Variants in ZFYVE1 observed in about 807,000 individuals in gnomAD.
ZFYVE1 encodes zinc finger FYVE domain-containing protein 1.
In ZFYVE1, 30 loss-of-function variants were observed where a neutral mutation model predicts 74.4. That is an observed-to-expected ratio of 0.40 (90% CI 0.30 to 0.55). ZFYVE1 has a LOEUF of 0.55. Ranked by LOEUF, ZFYVE1 falls within the 20% of genes least tolerant of loss-of-function variation. ZFYVE1 has a pLI of 0.42. For synonymous variants in ZFYVE1, 335 were observed against 385.1 expected (o/e 0.87, Z 1.52); for missense variants, 703 against 1,011.6 (o/e 0.69, Z 4.14).
intron 5 of ZFYVE1, among the ~76,000 whole-genome samples, chr14:72,981,435 G>A (rs963731511): frequency 2.0e-5 from 3 of 152,156 alleles, no homozygotes; most frequent in Non-Finnish European, 4.4e-5. Flanking sequence ...CTATGAATAA[G>A]TGACTGGAAA....
In ZFYVE1 at chr14:73,020,972, G is replaced by A. The variant is rs368675804; in HGVS notation, c.483+3054C>T. ...TGCTCTAGAACTCCTGACCTCAGGTGATCTACCTGCCTGGGCCTCCCAAAG... is the reference window on the plus strand; with the variant it reads ...TGCTCTAGAACTCCTGACCTCAGGTAATCTACCTGCCTGGGCCTCCCAAAG... On this transcript the variant is annotated intron_variant, in intron 2 of 11. Transcript: ENST00000556143. 1.1e-4 allele frequency among the ~76,000 whole-genome samples: 16 copies of A among 152,266 alleles called. No individual in the cohort carries two copies. The East Asian group carries it at 2.1e-3, about 20-fold the overall frequency.
At chr14:73,007,772 T>C (rs577888452) in intron 2 of ZFYVE1, among the ~76,000 whole-genome samples, 1 of 152,340 alleles carries the variant, frequency 6.6e-6, no homozygotes, top group African/African-American at 2.4e-5. Flanking sequence ...TTTCTTCCAA[T>C]AGCAAGGTTT....
intron 2 of ZFYVE1, among the ~76,000 whole-genome samples, chr14:73,004,552 A>G (rs1279255080): frequency 1.3e-5 from 2 of 152,090 alleles, no homozygotes; most frequent in Non-Finnish European, 2.9e-5. Context: ...ATTCGGGGGT[A>G]TGTCCAATGT....
Position 73,015,631 on chromosome 14 carries a change from G to A in ZFYVE1, c.483+8395C>T, listed in dbSNP as rs181539249. On this transcript the variant is annotated intron_variant, in intron 2 of 11. Coordinates refer to ENST00000556143, the MANE Select transcript of ZFYVE1 (RefSeq NM_021260.4). Reference sequence around the variant, plus strand: ...ATTCCTGACCTCAAGTGATCCGCCCGCCTCAGCCTCCCAAAGCGCTGGGAT... The same window carrying A: ...ATTCCTGACCTCAAGTGATCCGCCCACCTCAGCCTCCCAAAGCGCTGGGAT... Among the ~76,000 whole-genome samples, 882 of 152,198 alleles carry A rather than the reference G, an allele frequency of 5.8e-3. 24 individuals carry two copies. Among genetic ancestry groups the A allele is most frequent in the Admixed American group, 0.048 (739 of 15,270 alleles).
intron 2 of ZFYVE1, among the ~76,000 whole-genome samples, chr14:73,016,381 G>A (rs1436015134): frequency 6.6e-6 from 1 of 152,102 alleles, no homozygotes; most frequent in Non-Finnish European, 1.5e-5. Flanking sequence ...CGTGGTGGCG[G>A]GCGCCTATAG....
chr14:72,971,221 C>T, intron 11 of ZFYVE1, 107 bp from the exon 12 acceptor site: 3 of 1,129,536 alleles, frequency 2.7e-6, no homozygotes. Flanking sequence ...CAACTGCACA[C>T]AGAATTGCTG....
intron 4 of ZFYVE1, among the ~76,000 whole-genome samples, chr14:72,987,809 A>G (rs1208535874): frequency 6.6e-6 from 1 of 152,128 alleles, no homozygotes; most frequent in Non-Finnish European, 1.5e-5. Flanking sequence ...TGAGCAAAGG[A>G]GTCAAGAAAT....
intron 2 of ZFYVE1, among the ~76,000 whole-genome samples, chr14:73,003,280 A>C (rs1893914063): frequency 1.3e-5 from 2 of 149,756 alleles, no homozygotes; most frequent in Admixed American, 6.7e-5. Flanking sequence ...CTGGTCTCAA[A>C]CTCCTGACTT....
intron 11 of ZFYVE1, 71 bp from the exon 12 acceptor site, chr14:72,971,185 C>T: frequency 7.3e-6 from 11 of 1,500,034 alleles, no homozygotes; most frequent in Non-Finnish European, 1.0e-5. Context: ...AGAGGCCATC[C>T]TCGGATGCTT....
intron 2 of ZFYVE1, among the ~76,000 whole-genome samples, chr14:73,013,453 C>T (rs138949716): frequency 0.012 from 1,781 of 152,036 alleles, 18 homozygotes; most frequent in Non-Finnish European, 0.018. Flanking sequence ...ACTAAAAATG[C>T]AAAAATTAGC....
chr14:73,006,480 C>A (rs888334205), intron 2 of ZFYVE1, among the ~76,000 whole-genome samples: 1 of 151,556 alleles, frequency 6.6e-6, no homozygotes, highest in African/African-American at 2.4e-5. Context: ...GAGGCTAAGG[C>A]GGGAGAATCA....
Position 72,998,133 on chromosome 14 carries a change from C to G in ZFYVE1, c.666G>C (p.Trp222Cys), listed in dbSNP as rs1893791376. Residue 222 changes from tryptophan to cysteine, a missense_variant, in exon 3 of 12, where the codon TGG (tryptophan) becomes TGC (cysteine). Coordinates refer to ENST00000556143, the MANE Select transcript of ZFYVE1 (RefSeq NM_021260.4). Reference protein sequence around the residue: ...PTQESCTVGVWAAYDPVHKVA... With the variant: ...PTQESCTVGVCAAYDPVHKVA... ...CTTTGTGAACTGGGTCATAGGCTGC[C>G]CACACTCCCACAGTGCAGGACTCCT... 2 of 1,613,902 alleles carry G rather than the reference C, an allele frequency of 1.2e-6. No individual in the cohort carries two copies. Among genetic ancestry groups the G allele is most frequent in the Non-Finnish European group, 1.7e-6 (2 of 1,179,972 alleles).
At chr14:73,017,695 T>A (rs1304200313) in intron 2 of ZFYVE1, among the ~76,000 whole-genome samples, 1 of 152,126 alleles carries the variant, frequency 6.6e-6, no homozygotes, top group Non-Finnish European at 1.5e-5. Flanking sequence ...CCAAAATTCA[T>A]CAATGTCTCT....
intron 2 of ZFYVE1, among the ~76,000 whole-genome samples, chr14:73,023,233 T>C: frequency 7.3e-6 from 1 of 136,994 alleles, no homozygotes; most frequent in Non-Finnish European, 1.5e-5. Context: ...TTTATATGTT[T>C]TATATGTAAT....
intron 11 of ZFYVE1, among the ~76,000 whole-genome samples, chr14:72,972,275 A>T (rs1893054294): frequency 6.6e-6 from 1 of 152,110 alleles, no homozygotes; most frequent in South Asian, 2.1e-4. Context: ...CCCACCTTCA[A>T]GAACTGTGAT....
intron 2 of ZFYVE1, among the ~76,000 whole-genome samples, chr14:73,023,275 AT>A (rs1894366766): frequency 9.0e-6 from 1 of 111,334 alleles, no homozygotes; most frequent in Non-Finnish European, 1.8e-5. Flanking sequence ...TATAATATAT[AT>A]TATATATGTT....
rs747622519 is a variant in ZFYVE1 at position 72,970,872 on chromosome 14, G to C, written c.*10C>G. The C allele has an allele frequency of 6.2e-7, 1 of 1,613,240 alleles. No individual in the cohort carries two copies. Among genetic ancestry groups the C allele is most frequent in the African/African-American group, 1.3e-5 (1 of 74,912 alleles). Reference sequence around the variant, plus strand: ...AAGGAATTGTGAAGGACTCGGAGAGGGGGCTGGGGTTAAAGGTCACCGGGC... The same window carrying C: ...AAGGAATTGTGAAGGACTCGGAGAGCGGGCTGGGGTTAAAGGTCACCGGGC... On this transcript the variant is annotated 3_prime_UTR_variant, in exon 12 of 12. Transcript: ENST00000556143.
In ZFYVE1 at chr14:72,974,094, A is replaced by G. The variant is rs1893102352; in HGVS notation, c.2087T>C (p.Ile696Thr). 2 of 1,613,978 alleles carry G rather than the reference A, an allele frequency of 1.2e-6. No individual in the cohort carries two copies. Among genetic ancestry groups the G allele is most frequent in the Non-Finnish European group, 8.5e-7 (1 of 1,179,920 alleles). ...QNTLGAVVTA[I>T]DIPLGLVKDA... ...GCCAGGCCCACCTAGTGGTATGTCA[A>G]TGGCTGTCACCACGGCTCCCAGAGT... The change falls in exon 11 of 12, where the codon ATT becomes ACT. Residue 696 changes from isoleucine (I) to threonine (T), a missense_variant. Ile to Thr is a moderately conservative substitution (Grantham distance 89). Around this residue, in one of 2 missense-constraint regions of ZFYVE1, gnomAD observed 492 missense variants for 790.0 expected, o/e 0.62. Coordinates refer to ENST00000556143, the MANE Select transcript of ZFYVE1 (RefSeq NM_021260.4).
intron 2 of ZFYVE1, among the ~76,000 whole-genome samples, chr14:73,023,251 T>TTATATGTTTTATATATAATA (rs1894363314): frequency 2.1e-5 from 2 of 93,228 alleles, no homozygotes; most frequent in African/African-American, 4.2e-5. Context: ...AATATATATA[T>TTATATGTTTTATATATAATA]TATATGTTTT....
Sources: gnomAD v4.1 joint callset for allele counts (sites outside exome capture counted in the v4.1 genomes callset) on GRCh38, gnomAD v4.1.1 for gene constraint, gnomAD v4.1.1 regional missense constraint, MANE v1.5 for transcripts, NCBI Gene and HGNC (gene_info 2026-07-23, HGNC 2026-07-21) for gene names.